Variants in AGBL4 observed in about 807,000 individuals in gnomAD.
The protein encoded by AGBL4 is cytosolic carboxypeptidase 6.
In AGBL4, 58 loss-of-function variants were observed where a neutral mutation model predicts 66.4. The observed-to-expected ratio is 0.87, with a 90% CI of 0.71 to 1.09. AGBL4 has a LOEUF of 1.09. Ranked by LOEUF, AGBL4 falls within the 50% of genes least tolerant of loss-of-function variation. The pLI, the probability that AGBL4 is intolerant of heterozygous loss-of-function variation, is 0.00. For missense variants in AGBL4, 579 were observed against 631.0 expected (o/e 0.92, Z 0.88); for synonymous variants, 234 against 222.9 (o/e 1.05, Z -0.44).
intron 3 of AGBL4, among the ~76,000 whole-genome samples, chr1:49,489,322 A>G (rs746804048): frequency 2.0e-5 from 3 of 151,778 alleles, no homozygotes; most frequent in Non-Finnish European, 2.9e-5. Flanking sequence ...TGCCATTTAT[A>G]TGTTTTCTTT....
At chr1:48,737,969 A>G (rs1029847677) in intron 6 of AGBL4, among the ~76,000 whole-genome samples, 1 of 152,226 alleles carries the variant, frequency 6.6e-6, no homozygotes, top group African/African-American at 2.4e-5. Context: ...CAGTTTGCCA[A>G]TATCACATGG....
chr1:49,395,384 A>C (rs1217338496), intron 3 of AGBL4, among the ~76,000 whole-genome samples: 1 of 152,054 alleles, frequency 6.6e-6, no homozygotes, highest in Non-Finnish European at 1.5e-5. Flanking sequence ...GGTATTAAAT[A>C]AGTATTGAAT....
rs1485311210 is a variant in AGBL4 at position 48,679,113 on chromosome 1, C to A, written c.635-15872G>T. Among the ~76,000 whole-genome samples, 6 of 152,298 alleles carry A rather than the reference C, an allele frequency of 3.9e-5. No individual in the cohort carries two copies. In the South Asian group the frequency reaches 6.2e-4, roughly 16 times the overall value. ...GGGGTACTGGGGAGCCCAGAGGGAA[C>A]CCCCTGGCTCAGCCTGAAGGGTGGG... is the stretch of plus-strand genomic sequence containing the variant. On this transcript the variant is annotated intron_variant, in intron 6 of 13. Coordinates refer to ENST00000371839, the MANE Select transcript of AGBL4 (RefSeq NM_032785.4).
intron 2 of AGBL4, among the ~76,000 whole-genome samples, chr1:49,758,555 A>C (rs1178869336): frequency 1.3e-5 from 2 of 152,152 alleles, no homozygotes; most frequent in Middle Eastern, 3.2e-3. Context: ...ACAGAGTCAA[A>C]GGATATCATT....
chr1:49,555,480 G>C (rs1400950406), intron 3 of AGBL4, among the ~76,000 whole-genome samples: 1 of 150,602 alleles, frequency 6.6e-6, no homozygotes, highest in Non-Finnish European at 1.5e-5. Context: ...AGTGCTGATG[G>C]GTGCTTTTGT....
intron 3 of AGBL4, among the ~76,000 whole-genome samples, chr1:49,396,490 C>A (rs1644978528): frequency 6.6e-6 from 1 of 151,986 alleles, no homozygotes; most frequent in African/African-American, 2.4e-5. Context: ...AAAGATTCTT[C>A]TAAACACTAG....
At chr1:49,589,453 A>G (rs1173230497) in intron 3 of AGBL4, among the ~76,000 whole-genome samples, 1 of 152,114 alleles carries the variant, frequency 6.6e-6, no homozygotes, top group East Asian at 1.9e-4. Flanking sequence ...AAACTGCATA[A>G]TTGATAAAAC....
intron 6 of AGBL4, chr1:48,776,830 A>T (rs911229401): frequency 2.5e-5 from 37 of 1,488,536 alleles, no homozygotes; most frequent in Non-Finnish European, 3.0e-5. Flanking sequence ...AAAGGCGTAC[A>T]TGGTGGGCGC....
chr1:49,480,887 T>C (rs1646941922), intron 3 of AGBL4, among the ~76,000 whole-genome samples: 2 of 152,258 alleles, frequency 1.3e-5, no homozygotes, highest in South Asian at 2.1e-4. Context: ...ATTTATTGAA[T>C]AGCGAGTCCT....
intron 2 of AGBL4, among the ~76,000 whole-genome samples, chr1:49,793,536 G>A (rs138142361): frequency 5.1e-4 from 77 of 152,120 alleles, no homozygotes; most frequent in Non-Finnish European, 9.6e-4. Context: ...TGAGTTAAAG[G>A]AAGAACTGGT....
At chr1:50,001,075 T>G (rs1228110616) in intron 1 of AGBL4, among the ~76,000 whole-genome samples, 1 of 151,762 alleles carries the variant, frequency 6.6e-6, no homozygotes, top group Non-Finnish European at 1.5e-5. Flanking sequence ...AGATATTTGA[T>G]ATTAAGGAAT....
intron 5 of AGBL4, among the ~76,000 whole-genome samples, chr1:49,027,347 G>C (rs956035831): frequency 6.6e-6 from 1 of 151,998 alleles, no homozygotes; most frequent in African/African-American, 2.4e-5. Context: ...ATTATTAGTA[G>C]AGACGGAGTT....
At chr1:48,850,259 C>G (rs1647004567) in intron 6 of AGBL4, among the ~76,000 whole-genome samples, 2 of 152,160 alleles carry the variant, frequency 1.3e-5, no homozygotes, top group Non-Finnish European at 2.9e-5. Flanking sequence ...CTATAGCAAC[C>G]CATCCCTTCA....
Position 48,958,237 on chromosome 1 carries a change from A to G in AGBL4, c.594+87347T>C, listed in dbSNP as rs919322129. Among the ~76,000 whole-genome samples, 3 of 152,064 alleles carry G rather than the reference A, an allele frequency of 2.0e-5. No homozygotes were observed. The East Asian group carries it at 5.8e-4, about 29-fold the overall frequency. On this transcript the variant is annotated intron_variant, in intron 5 of 13. Transcript: ENST00000371839. ...CTGTCTTTAGTTCCCTGCACATGCCATGATGTTTCTAGCTTAAGGATTTTT... is the reference window on the plus strand; with the variant it reads ...CTGTCTTTAGTTCCCTGCACATGCCGTGATGTTTCTAGCTTAAGGATTTTT...
intron 4 of AGBL4, among the ~76,000 whole-genome samples, chr1:49,167,007 A>G (rs947728715): frequency 2.0e-5 from 3 of 152,126 alleles, no homozygotes; most frequent in Non-Finnish European, 4.4e-5. Flanking sequence ...ACCACACCCA[A>G]TGTTTATACT....
intron 4 of AGBL4, among the ~76,000 whole-genome samples, chr1:49,122,225 C>G (rs1031026772): frequency 1.3e-5 from 2 of 152,210 alleles, no homozygotes; most frequent in African/African-American, 4.8e-5. Flanking sequence ...ATCCACTGTC[C>G]AACCAGTCCC....
intron 3 of AGBL4, among the ~76,000 whole-genome samples, chr1:49,328,925 T>G (rs142230335): frequency 1.3e-5 from 2 of 152,216 alleles, no homozygotes; most frequent in Non-Finnish European, 2.9e-5. Context: ...TATTAAAAAT[T>G]ATGATATATG....
chr1:49,942,057 A>G (rs966168037), intron 1 of AGBL4, among the ~76,000 whole-genome samples: 1 of 152,162 alleles, frequency 6.6e-6, no homozygotes, highest in African/African-American at 2.4e-5. Context: ...GTATCTTCAT[A>G]CACTGAAAAT....
intron 5 of AGBL4, among the ~76,000 whole-genome samples, chr1:48,971,462 G>A (rs991379442): frequency 5.9e-5 from 9 of 152,034 alleles, no homozygotes; most frequent in African/African-American, 1.2e-4. Context: ...TACACATGAT[G>A]AAATAGTATT....
Sources: gnomAD v4.1 joint callset for allele counts (sites outside exome capture counted in the v4.1 genomes callset) on GRCh38, gnomAD v4.1.1 for gene constraint, MANE v1.5 for transcripts, NCBI Gene and HGNC (gene_info 2026-07-23, HGNC 2026-07-21) for gene names.